The following PITPNC1 variants were observed in gnomAD, a reference collection of about 807,000 sequenced individuals.
PITPNC1 encodes cytoplasmic phosphatidylinositol transfer protein 1.
Under a neutral mutation model 44.7 loss-of-function variants are expected in PITPNC1, and 18 were observed. The observed-to-expected ratio is 0.40, with a 90% CI of 0.28 to 0.60. The LOEUF is 0.60. Ranked by LOEUF, PITPNC1 falls within the 20% of genes least tolerant of loss-of-function variation. PITPNC1 has a pLI of 0.39. For missense variants in PITPNC1, 290 were observed against 418.4 expected (o/e 0.69, Z 2.68); for synonymous variants, 141 against 149.6 (o/e 0.94, Z 0.42).
intron 6 of PITPNC1, among the ~76,000 whole-genome samples, chr17:67,648,479 G>A (rs1370409539): frequency 6.6e-6 from 1 of 152,206 alleles, no homozygotes; most frequent in Non-Finnish European, 1.5e-5. Flanking sequence ...GTCCTCTCCA[G>A]TGTGCCCTTG....
At chr17:67,408,806 GA>G (rs1016190005) in intron 1 of PITPNC1, 4 of 149,922 alleles carry the variant, frequency 2.7e-5, no homozygotes, top group African/African-American at 7.4e-5. Flanking sequence ...AAGAAAGGGG[GA>G]AAGAATAGAA....
intron 1 of PITPNC1, among the ~76,000 whole-genome samples, chr17:67,513,146 C>T (rs188094649): frequency 6.6e-6 from 1 of 152,158 alleles, no homozygotes; most frequent in Admixed American, 6.6e-5. Flanking sequence ...GATGGATCAT[C>T]TGAGGTCAGG....
intron 1 of PITPNC1, among the ~76,000 whole-genome samples, chr17:67,453,402 G>A (rs1252604602): frequency 6.6e-6 from 1 of 152,070 alleles, no homozygotes; most frequent in African/African-American, 2.4e-5. Context: ...ACTCAATCTC[G>A]AAATGACTAA....
At chr17:67,501,027 C>A (rs901034365) in intron 1 of PITPNC1, among the ~76,000 whole-genome samples, 4 of 152,042 alleles carry the variant, frequency 2.6e-5, no homozygotes, top group African/African-American at 9.7e-5. Context: ...CCATTTATTC[C>A]ATTTTCTAAT....
chr17:67,670,601 T>G (rs2144402695), intron 7 of PITPNC1, among the ~76,000 whole-genome samples: 1 of 150,850 alleles, frequency 6.6e-6, no homozygotes, highest in East Asian at 2.0e-4. Flanking sequence ...TACAAAAAAA[T>G]TAGCCGGGTG....
At position 67,609,288 on chromosome 17, in the gene PITPNC1, C is replaced by CT. The variant is rs34987217; in HGVS notation, c.367-22836dup. 3.3e-3 allele frequency among the ~76,000 whole-genome samples: 382 copies of CT among 114,266 alleles called. 1 individual carries two copies. The highest frequency in any genetic ancestry group is 4.8e-3 in the African/African-American group (128 of 26,774). The allele number at this position is 114,266 out of a possible 152,430, so 75.0% of individuals were successfully genotyped here. Reference sequence around the variant, plus strand: ...GTTGGTCATGTTCTTCTTCTTCTTCCTTTTTTTTTTTTTTTTTTTGAGACA... The same window carrying CT: ...GTTGGTCATGTTCTTCTTCTTCTTCCTTTTTTTTTTTTTTTTTTTTGAGACA... On this transcript the variant is annotated intron_variant, in intron 5 of 8. Transcript: ENST00000581322.
intron 5 of PITPNC1, among the ~76,000 whole-genome samples, chr17:67,598,447 T>C (rs1427650214): frequency 6.6e-6 from 1 of 152,168 alleles, no homozygotes; most frequent in Non-Finnish European, 1.5e-5. Context: ...CAAATTCCTA[T>C]GTTAAAATCC....
chr17:67,638,109 C>G (rs2042053884), intron 6 of PITPNC1: 1 of 152,222 alleles, frequency 6.6e-6, no homozygotes, highest in South Asian at 2.1e-4. Flanking sequence ...ATTTTCATCC[C>G]AGCTCCTTGA....
chr17:67,489,855 C>T (rs924589784), intron 1 of PITPNC1, among the ~76,000 whole-genome samples: 2 of 152,044 alleles, frequency 1.3e-5, no homozygotes, highest in African/African-American at 4.8e-5. Context: ...GCAATCCTCC[C>T]ACCTTAGCCT....
chr17:67,678,895 C>T lies in PITPNC1; in HGVS notation c.682+3353C>T, dbSNP rs548320204. Among the ~76,000 whole-genome samples the T allele has an allele frequency of 4.6e-5, 7 of 152,328 alleles. No individual in the cohort carries two copies. The South Asian group carries it at 1.5e-3, about 32-fold the overall frequency. Reference sequence around the variant, plus strand: ...ACATGGAAAAGATCCAAAATAAATCCTTGCCTATAGCTATAGCGTCTAGCA... The same window carrying T: ...ACATGGAAAAGATCCAAAATAAATCTTTGCCTATAGCTATAGCGTCTAGCA... On this transcript the variant is annotated intron_variant, in intron 8 of 8. Transcript: ENST00000581322.
chr17:67,485,805 A>G (rs1048823070), intron 1 of PITPNC1, among the ~76,000 whole-genome samples: 1 of 152,190 alleles, frequency 6.6e-6, no homozygotes, highest in Non-Finnish European at 1.5e-5. Flanking sequence ...AAAAAAGAGC[A>G]AAAGCTATCA....
At chr17:67,546,622 C>A (rs1057188613) in intron 2 of PITPNC1, among the ~76,000 whole-genome samples, 1 of 152,190 alleles carries the variant, frequency 6.6e-6, no homozygotes, top group Non-Finnish European at 1.5e-5. Context: ...GTCCACATAA[C>A]CCTGATGCTG....
chr17:67,438,872 T>G (rs2038973958), intron 1 of PITPNC1, among the ~76,000 whole-genome samples: 1 of 152,206 alleles, frequency 6.6e-6, no homozygotes, highest in Non-Finnish European at 1.5e-5. Context: ...GCATTTAATT[T>G]GATTGTAATC....
chr17:67,692,270 T>C (rs2042942044), intron 8 of PITPNC1, among the ~76,000 whole-genome samples: 1 of 152,030 alleles, frequency 6.6e-6, no homozygotes, highest in African/African-American at 2.4e-5. Context: ...GGCACATATT[T>C]CCCCCGTCTA....
intron 6 of PITPNC1, among the ~76,000 whole-genome samples, chr17:67,665,848 T>C (rs1323815656): frequency 7.5e-6 from 1 of 134,044 alleles, no homozygotes; most frequent in East Asian, 2.0e-4. Context: ...TGAAGTACTT[T>C]TTTTTTTTTT....
intron 6 of PITPNC1, among the ~76,000 whole-genome samples, chr17:67,649,898 G>T (rs916591169): frequency 6.6e-6 from 1 of 152,272 alleles, no homozygotes; most frequent in Middle Eastern, 3.4e-3. Context: ...ATCAGGTGAG[G>T]TATTGGGGGG....
chr17:67,480,716 T>C (rs2039689905), intron 1 of PITPNC1, among the ~76,000 whole-genome samples: 1 of 152,086 alleles, frequency 6.6e-6, no homozygotes, highest in Admixed American at 6.5e-5. Flanking sequence ...TATTTAGGGG[T>C]AGTAGGATCC....
At chr17:67,411,443 G>A (rs936154756) in intron 1 of PITPNC1, among the ~76,000 whole-genome samples, 9 of 152,114 alleles carry the variant, frequency 5.9e-5, no homozygotes, top group African/African-American at 1.7e-4. Context: ...TGGTTGGGCC[G>A]GGGAGGTGAG....
chr17:67,441,943 T>A (rs2039017668), intron 1 of PITPNC1, among the ~76,000 whole-genome samples: 1 of 152,038 alleles, frequency 6.6e-6, no homozygotes, highest in Non-Finnish European at 1.5e-5. Context: ...AATAGGAGAA[T>A]GGGATTGTAA....
Sources: allele counts gnomAD v4.1 joint callset (sites outside exome capture counted in the v4.1 genomes callset), GRCh38; gene constraint gnomAD v4.1.1; transcripts MANE v1.5; gene names NCBI Gene and HGNC (gene_info 2026-07-23, HGNC 2026-07-21).